Variants in NCKAP5 observed in about 807,000 individuals in gnomAD.
NCKAP5 encodes nck-associated protein 5.
In NCKAP5, 92 loss-of-function variants were observed where a neutral mutation model predicts 167.0. The observed-to-expected ratio is 0.55, with a 90% CI of 0.47 to 0.66. The LOEUF (loss-of-function observed/expected upper bound fraction) is 0.66, where lower values mean the gene tolerates loss of function less well. Among genes scored for constraint, NCKAP5 ranks in the 30% least tolerant of loss-of-function variants. The pLI is 0.00. For synonymous variants in NCKAP5, 891 were observed against 877.4 expected (o/e 1.02, Z -0.27); for missense variants, 2,378 against 2,315.0 (o/e 1.03, Z -0.56).
At chr2:133,194,735 A>C (rs2085364743) in intron 5 of NCKAP5, among the ~76,000 whole-genome samples, 1 of 151,786 alleles carries the variant, frequency 6.6e-6, no homozygotes. Context: ...TATTGGTGCT[A>C]ATCATGTGAA....
intron 7 of NCKAP5, among the ~76,000 whole-genome samples, 200 bp downstream of exon 7, chr2:132,993,952 G>C (rs1321726442): frequency 1.3e-5 from 2 of 152,212 alleles, no homozygotes; most frequent in African/African-American, 4.8e-5. Context: ...TCTACACTCT[G>C]TTTCACAGTA....
chr2:132,806,511 T>C (rs1431654867), intron 11 of NCKAP5, among the ~76,000 whole-genome samples: 2 of 152,198 alleles, frequency 1.3e-5, no homozygotes, highest in Non-Finnish European at 1.5e-5. Flanking sequence ...TGCATTTCCC[T>C]GATCATTAGA....
At chr2:132,824,601 C>A (rs1460462297) in intron 11 of NCKAP5, among the ~76,000 whole-genome samples, 1 of 152,220 alleles carries the variant, frequency 6.6e-6, no homozygotes, top group Non-Finnish European at 1.5e-5. Flanking sequence ...CAAGTGCTGC[C>A]TATCACATAA....
At chr2:132,869,042 C>T (rs1690587005) in intron 9 of NCKAP5, 68 bp from the exon 10 acceptor site, 1 of 1,177,704 alleles carries the variant, frequency 8.5e-7, no homozygotes, top group Admixed American at 2.6e-5. Context: ...CTCTAATTTA[C>T]CAATAAGTTT....
At chr2:133,581,054 C>T in the NCKAP5 span, among the ~76,000 whole-genome samples, 1 of 152,138 alleles carries the variant, frequency 6.6e-6, no homozygotes, top group Admixed American at 6.5e-5. Context: ...ATGATATCTA[C>T]CTTAGTCCCT....
rs879466188 is a variant in NCKAP5 at position 133,345,345 on chromosome 2, T to TA, written c.70-42236dup. ...TTGACATTAAAGTTTACTTTTAAAT[T>TA]AAAAAAAAAAGATACTCCATTTTCA... On this transcript the variant is annotated intron_variant, in intron 3 of 19. Transcript: ENST00000409261. Among the ~76,000 whole-genome samples, 395 of 148,566 alleles carry TA rather than the reference T, an allele frequency of 2.7e-3. 4 individuals are homozygous for TA. The highest frequency in any genetic ancestry group is 6.7e-3 in the African/African-American group (273 of 40,592).
intron 5 of NCKAP5, among the ~76,000 whole-genome samples, chr2:133,178,832 A>G (rs1385086383): frequency 8.2e-6 from 1 of 122,470 alleles, no homozygotes; most frequent in Admixed American, 7.4e-5. Flanking sequence ...TCCGTCTCAA[A>G]AAAAAAAAAA....
chr2:132,859,521 T>G (rs1574442008), intron 11 of NCKAP5, among the ~76,000 whole-genome samples: 3 of 152,334 alleles, frequency 2.0e-5, no homozygotes, highest in Admixed American at 2.0e-4. Context: ...CATAGAAACT[T>G]AATTTTAATT....
the NCKAP5 span, among the ~76,000 whole-genome samples, chr2:133,624,961 T>C: frequency 6.6e-6 from 1 of 152,212 alleles, no homozygotes; most frequent in Non-Finnish European, 1.5e-5. Flanking sequence ...CAAAGTAACC[T>C]GTATCTGGGC....
At chr2:133,067,113 C>T (rs1559105960) in intron 6 of NCKAP5, among the ~76,000 whole-genome samples, 1 of 152,116 alleles carries the variant, frequency 6.6e-6, no homozygotes, top group Non-Finnish European at 1.5e-5. Flanking sequence ...GATCCTCCCG[C>T]CTCAGCCTCT....
Position 133,487,712 on chromosome 2 carries a change from C to T in NCKAP5, c.69+29746G>A, listed in dbSNP as rs149210335. Among the ~76,000 whole-genome samples the T allele has an allele frequency of 1.3e-4, 20 of 152,240 alleles. No homozygotes were observed. In the East Asian group the frequency reaches 3.9e-3, roughly 29 times the overall value. On this transcript the variant is annotated intron_variant, in intron 3 of 19. Coordinates refer to ENST00000409261, the MANE Select transcript of NCKAP5 (RefSeq NM_207363.3). ...AAAAGAAACACACCCAGCTTCATGG[C>T]CACTTCCTTCCCCTATCCTAGAATA...
chr2:132,730,013 T>G lies in NCKAP5; in HGVS notation c.5444-1061A>C, dbSNP rs141664206. On this transcript the variant is annotated intron_variant, in intron 17 of 19. Transcript: ENST00000409261. ...GTTCCAGCTAGTCCTCATTCCCTAATTTTTAACATGCATAACCGATGGACA... is the reference window on the plus strand; with the variant it reads ...GTTCCAGCTAGTCCTCATTCCCTAAGTTTTAACATGCATAACCGATGGACA... Among the ~76,000 whole-genome samples the G allele has an allele frequency of 2.0e-3, 309 of 152,302 alleles. 2 individuals are homozygous for G. Among genetic ancestry groups the G allele is most frequent in the African/African-American group, 7.4e-3 (307 of 41,570 alleles).
intron 3 of NCKAP5, among the ~76,000 whole-genome samples, chr2:133,492,536 G>A (rs1352475004): frequency 3.3e-5 from 5 of 152,112 alleles, no homozygotes; most frequent in South Asian, 2.1e-4. Context: ...GATCTGGAAC[G>A]ATCAGAAATA....
chr2:132,802,799 T>C (rs1685141741), intron 11 of NCKAP5, among the ~76,000 whole-genome samples: 1 of 152,178 alleles, frequency 6.6e-6, no homozygotes, highest in Admixed American at 6.5e-5. Flanking sequence ...AGAAGCCAAA[T>C]GATCTTCCAT....
At chr2:133,140,621 T>A (rs2082962040) in intron 5 of NCKAP5, among the ~76,000 whole-genome samples, 1 of 152,098 alleles carries the variant, frequency 6.6e-6, no homozygotes, top group African/African-American at 2.4e-5. Flanking sequence ...GCCCGCCTAA[T>A]TTATGGTTTA....
chr2:132,802,038 G>A lies in NCKAP5; in HGVS notation c.808-5309C>T, dbSNP rs531955478. 1.5e-3 allele frequency among the ~76,000 whole-genome samples: 224 copies of A among 152,290 alleles called. 1 individual carries two copies. Among genetic ancestry groups the A allele is most frequent in the African/African-American group, 4.9e-3 (204 of 41,566 alleles). On this transcript the variant is annotated intron_variant, in intron 11 of 19. Coordinates refer to ENST00000409261, the MANE Select transcript of NCKAP5 (RefSeq NM_207363.3). ...GGTTATCCACCTGCCGTAGACTCCCGAAGTGCTAGGATTACAGGCATGAGC... is the reference window on the plus strand; with the variant it reads ...GGTTATCCACCTGCCGTAGACTCCCAAAGTGCTAGGATTACAGGCATGAGC...
At chr2:133,419,619 A>G (rs575814262) in intron 3 of NCKAP5, among the ~76,000 whole-genome samples, 17 of 152,170 alleles carry the variant, frequency 1.1e-4, no homozygotes, top group Non-Finnish European at 1.5e-5. Flanking sequence ...CCTGATGATG[A>G]AGCCATAGGT....
At chr2:133,074,808 A>T (rs1401251928) in intron 6 of NCKAP5, among the ~76,000 whole-genome samples, 1 of 152,210 alleles carries the variant, frequency 6.6e-6, no homozygotes, top group East Asian at 1.9e-4. Context: ...AACAATAGAC[A>T]GCAAAAAAGA....
At chr2:133,122,644 T>C (rs1395540029) in intron 6 of NCKAP5, 1 of 152,160 alleles carries the variant, frequency 6.6e-6, no homozygotes, top group African/African-American at 2.4e-5. Context: ...ACAGAAATTT[T>C]TCATCTAGGC....
Sources: gnomAD v4.1 joint callset for allele counts (sites outside exome capture counted in the v4.1 genomes callset) on GRCh38, gnomAD v4.1.1 for gene constraint, MANE v1.5 for transcripts, NCBI Gene and HGNC (gene_info 2026-07-23, HGNC 2026-07-21) for gene names.